The following CNTN5 variants were observed in gnomAD, a reference collection of about 807,000 sequenced individuals.
The protein encoded by CNTN5 is contactin 5.
In CNTN5, 77 loss-of-function variants were observed where a neutral mutation model predicts 129.1. The ratio of observed to expected loss-of-function variants is 0.60; its 90% CI spans 0.50 to 0.72. The LOEUF (loss-of-function observed/expected upper bound fraction) is 0.72, where lower values mean the gene tolerates loss of function less well. Ranked by LOEUF, CNTN5 falls within the 30% of genes least tolerant of loss-of-function variation. The pLI, the probability that CNTN5 is intolerant of heterozygous loss-of-function variation, is 0.00. For missense variants in CNTN5, 1,478 were observed against 1,328.8 expected (o/e 1.11, Z -1.75); for synonymous variants, 509 against 465.6 (o/e 1.09, Z -1.20).
chr11:100,020,338 T>A (rs1941066983), intron 9 of CNTN5, among the ~76,000 whole-genome samples: 1 of 152,102 alleles, frequency 6.6e-6, no homozygotes, highest in Non-Finnish European at 1.5e-5. Flanking sequence ...CCTATTTTAT[T>A]CACCTGCAAG....
At chr11:100,272,756 C>T (rs1223899569) in intron 18 of CNTN5, among the ~76,000 whole-genome samples, 1 of 152,136 alleles carries the variant, frequency 6.6e-6, no homozygotes, top group Non-Finnish European at 1.5e-5. Context: ...CCCCCAACAG[C>T]TCTGGGGGAA....
intron 2 of CNTN5, among the ~76,000 whole-genome samples, chr11:99,368,618 G>A (rs1346930336): frequency 6.6e-6 from 1 of 152,236 alleles, no homozygotes; most frequent in East Asian, 1.9e-4. Flanking sequence ...ATTGAACACT[G>A]TGTAGGTTGA....
intron 3 of CNTN5, among the ~76,000 whole-genome samples, chr11:99,705,518 T>C (rs1248560912): frequency 6.6e-6 from 1 of 151,378 alleles, no homozygotes; most frequent in African/African-American, 2.4e-5. Flanking sequence ...CTGTACTTGG[T>C]TGGTTATTAG....
intron 18 of CNTN5, among the ~76,000 whole-genome samples, chr11:100,286,045 G>A (rs978418729): frequency 3.3e-5 from 5 of 152,162 alleles, no homozygotes; most frequent in South Asian, 4.1e-4. Context: ...GCGCTTTTCC[G>A]ATAGGCTTAA....
At chr11:99,692,768 T>C (rs1954093453) in intron 3 of CNTN5, among the ~76,000 whole-genome samples, 1 of 152,186 alleles carries the variant, frequency 6.6e-6, no homozygotes, top group Non-Finnish European at 1.5e-5. Flanking sequence ...TAAGTGTTCC[T>C]ATAGTAAAGG....
chr11:99,080,252 G>C (rs917315551), intron 1 of CNTN5, among the ~76,000 whole-genome samples: 2 of 152,168 alleles, frequency 1.3e-5, no homozygotes, highest in Non-Finnish European at 2.9e-5. Flanking sequence ...AGGCTTGAAA[G>C]AGCATGTAGG....
At chr11:100,303,510 A>G (rs584485) in intron 20 of CNTN5, among the ~76,000 whole-genome samples, 78,380 of 151,414 alleles carry the variant, frequency 0.52, 22,941 homozygotes, top group Non-Finnish European at 0.68. Context: ...ATAGAAAAAC[A>G]GAAGAAAAAT....
At chr11:100,213,186 C>A (rs1949067975) in intron 15 of CNTN5, among the ~76,000 whole-genome samples, 1 of 151,964 alleles carries the variant, frequency 6.6e-6, no homozygotes, top group Admixed American at 6.6e-5. Context: ...ATTTCACATA[C>A]AATGAAACAA....
intron 9 of CNTN5, among the ~76,000 whole-genome samples, chr11:100,027,266 T>C (rs746259767): frequency 6.6e-6 from 1 of 152,198 alleles, no homozygotes; most frequent in Non-Finnish European, 1.5e-5. Context: ...TTGTTGGAAA[T>C]TGAGCATTTT....
At chr11:99,956,465 T>C (rs1950804068) in intron 7 of CNTN5, among the ~76,000 whole-genome samples, 1 of 152,170 alleles carries the variant, frequency 6.6e-6, no homozygotes, top group African/African-American at 2.4e-5. Context: ...TTGGGTAAAT[T>C]TTCTTCATTA....
At chr11:100,195,359 ATTGTTT>A (rs1948610939) in intron 15 of CNTN5, among the ~76,000 whole-genome samples, 1 of 152,116 alleles carries the variant, frequency 6.6e-6, no homozygotes, top group East Asian at 1.9e-4. Context: ...TACATGAATT[ATTGTTT>A]TTGTCTCTTA....
chr11:99,502,375 T>C (rs1278185327), intron 2 of CNTN5, among the ~76,000 whole-genome samples: 1 of 152,118 alleles, frequency 6.6e-6, no homozygotes, highest in Non-Finnish European at 1.5e-5. Context: ...AATCCACAAG[T>C]GTCAAGGGAG....
chr11:100,274,645 G>C (rs912495841), intron 18 of CNTN5, among the ~76,000 whole-genome samples: 3 of 152,162 alleles, frequency 2.0e-5, no homozygotes, highest in Non-Finnish European at 4.4e-5. Context: ...CTGATCCTCA[G>C]AGAAATACAA....
chr11:99,067,562 A>C (rs373031908), intron 1 of CNTN5, among the ~76,000 whole-genome samples: 54 of 152,324 alleles, frequency 3.5e-4, no homozygotes, highest in African/African-American at 1.3e-3. Flanking sequence ...ATGTACAGTA[A>C]GAATAAATGG....
chr11:99,747,374 T>A (rs1944086849), intron 3 of CNTN5, among the ~76,000 whole-genome samples: 2 of 152,114 alleles, frequency 1.3e-5, no homozygotes, highest in Admixed American at 1.3e-4. Context: ...CAATTTTACT[T>A]CTTTTCCAAT....
At chr11:99,060,667 AG>A (rs1447581053) in intron 1 of CNTN5, among the ~76,000 whole-genome samples, 1 of 152,136 alleles carries the variant, frequency 6.6e-6, no homozygotes, top group Non-Finnish European at 1.5e-5. Flanking sequence ...GGGCACAAAA[AG>A]AAAAAAGAAC....
rs755619167 is a variant in CNTN5 at position 100,071,720 on chromosome 11, G to C, written c.1315G>C (p.Val439Leu). ...TCCATTACAGAGTAGGGTTGAGATG[G>C]TTAATGGAGTATTGATGATCCACAA... is the stretch of plus-strand genomic sequence containing the variant. ...PLSPQSRVEM[V>L]NGVLMIHNVN... Residue 439 changes from valine (V) to leucine (L), a missense_variant, in exon 12 of 25, where the codon GTT (valine) becomes CTT (leucine). By Grantham distance (32) the Val-to-Leu change is conservative. Transcript: ENST00000524871. 16 of 1,588,364 alleles carry C rather than the reference G, an allele frequency of 1.0e-5. No individual in the cohort carries two copies. The highest frequency in any genetic ancestry group is 3.6e-5 in the Admixed American group (2 of 56,038).
chr11:100,310,631 TA>T (rs762945105), intron 21 of CNTN5, among the ~76,000 whole-genome samples: 1 of 151,592 alleles, frequency 6.6e-6, no homozygotes, highest in South Asian at 2.1e-4. Context: ...CATGATTTTT[TA>T]AAAAAAATAT....
chr11:99,102,154 TG>T (rs1866765076), intron 1 of CNTN5, among the ~76,000 whole-genome samples: 1 of 151,926 alleles, frequency 6.6e-6, no homozygotes, highest in African/African-American at 2.4e-5. Flanking sequence ...ATGGCTAGAG[TG>T]GCTGGGACAC....
Sources: gnomAD v4.1 joint callset for allele counts (sites outside exome capture counted in the v4.1 genomes callset) on GRCh38, gnomAD v4.1.1 for gene constraint, MANE v1.5 for transcripts, NCBI Gene and HGNC (gene_info 2026-07-23, HGNC 2026-07-21) for gene names.